NFIB: variants seen among roughly 807,000 people sequenced by gnomAD.
NFIB encodes nuclear factor I B.
NFIB carries 11 observed loss-of-function variants against 61.5 expected under a neutral mutation model. The observed-to-expected ratio is 0.18, with a 90% CI of 0.11 to 0.30. The LOEUF (loss-of-function observed/expected upper bound fraction) is 0.30, where lower values mean the gene tolerates loss of function less well. Ranked by LOEUF, NFIB falls within the 10% of genes least tolerant of loss-of-function variation. The probability of loss-of-function intolerance (pLI) is 1.00; values close to 1 mark genes in which losing one functional copy is unlikely to be tolerated. For missense variants in NFIB, 471 were observed against 608.9 expected, an observed-to-expected ratio of 0.77 and a Z score of 2.38; for synonymous variants, 260 against 216.5, an observed-to-expected ratio of 1.20 and a Z score of -1.76.
chr9:14,409,610 G>C, the NFIB span, among the ~76,000 whole-genome samples: 3 of 152,202 alleles, frequency 2.0e-5, no homozygotes, highest in East Asian at 3.9e-4. Context: ...CCGAAGGCCA[G>C]CCACTAGAAT....
intron 1 of NFIB, among the ~76,000 whole-genome samples, chr9:14,350,350 C>T (rs1262146000): frequency 6.6e-6 from 1 of 152,226 alleles, no homozygotes; most frequent in Non-Finnish European, 1.5e-5. Context: ...AAAAAACAGA[C>T]TTTCACAGAA....
chr9:14,364,591 T>C (rs10756546), intron 1 of NFIB, among the ~76,000 whole-genome samples: 83,008 of 152,016 alleles, frequency 0.55, 22,823 homozygotes, highest in Middle Eastern at 0.66. Context: ...AGAATGTTTA[T>C]ATCTGCACAA....
At chr9:14,092,333 C>G (rs2034055390) in intron 10 of NFIB, among the ~76,000 whole-genome samples, 1 of 152,042 alleles carries the variant, frequency 6.6e-6, no homozygotes, top group African/African-American at 2.4e-5. Flanking sequence ...TAACTATAAG[C>G]ATGGTACCAT....
chr9:14,122,254 A>G (rs952425232), intron 7 of NFIB, among the ~76,000 whole-genome samples: 1 of 152,164 alleles, frequency 6.6e-6, no homozygotes. Flanking sequence ...AGATATAAGA[A>G]ATTAAGAATG....
At chr9:14,439,711 G>C in the NFIB span, among the ~76,000 whole-genome samples, 2 of 152,130 alleles carry the variant, frequency 1.3e-5, no homozygotes, top group Non-Finnish European at 2.9e-5. Context: ...GGGTGAGTTG[G>C]ACACCAGATG....
chr9:14,207,431 T>A (rs1281149009), intron 2 of NFIB, among the ~76,000 whole-genome samples: 1 of 152,232 alleles, frequency 6.6e-6, no homozygotes, highest in East Asian at 1.9e-4. Context: ...GAGTTTATGT[T>A]GTGGTTTGGT....
intron 2 of NFIB, among the ~76,000 whole-genome samples, chr9:14,259,805 T>A (rs2056578369): frequency 6.6e-6 from 1 of 152,096 alleles, no homozygotes; most frequent in Non-Finnish European, 1.5e-5. Flanking sequence ...CTCAGGAGGC[T>A]GAGGCACGAG....
the NFIB span, among the ~76,000 whole-genome samples, chr9:14,437,771 C>T: frequency 6.6e-6 from 1 of 152,234 alleles, no homozygotes; most frequent in African/African-American, 2.4e-5. Flanking sequence ...TCTGTGTTCT[C>T]CTGCTCGTCC....
the NFIB span, among the ~76,000 whole-genome samples, chr9:14,515,366 C>CTCACCTTCTGCAGACCTGAGCTCTCT: frequency 6.6e-6 from 1 of 151,996 alleles, no homozygotes; most frequent in Non-Finnish European, 1.5e-5. Flanking sequence ...CTGAGCTCTC[C>CTCACCTTCTGCAGACCTGAGCTCTCT]GAGTTCTCAC....
chr9:14,341,833 G>A (rs1564018729), intron 1 of NFIB, among the ~76,000 whole-genome samples: 1 of 152,142 alleles, frequency 6.6e-6, no homozygotes, highest in South Asian at 2.1e-4. Context: ...CAACAGTCGG[G>A]CTAGGACAGG....
At chr9:14,374,774 G>A (rs1440764374) in intron 1 of NFIB, among the ~76,000 whole-genome samples, 3 of 152,076 alleles carry the variant, frequency 2.0e-5, no homozygotes, top group Non-Finnish European at 4.4e-5. Context: ...CACAGCAATG[G>A]TGGCATGTGC....
intron 2 of NFIB, among the ~76,000 whole-genome samples, chr9:14,216,531 TCTCTCTCTCTCC>T (rs1200578947): frequency 4.9e-3 from 143 of 29,264 alleles, no homozygotes; most frequent in African/African-American, 0.018. Flanking sequence ...TCTCTCTCTC[TCTCTCTCTCTCC>T]CTCTGTGTGT....
At chr9:14,206,017 A>G (rs1360184760) in intron 2 of NFIB, among the ~76,000 whole-genome samples, 1 of 152,170 alleles carries the variant, frequency 6.6e-6, no homozygotes, top group Non-Finnish European at 1.5e-5. Flanking sequence ...GTTTCTGCGT[A>G]AAAGACATTT....
chr9:14,475,850 A>G, the NFIB span, among the ~76,000 whole-genome samples: 2 of 152,196 alleles, frequency 1.3e-5, no homozygotes, highest in Admixed American at 6.5e-5. Flanking sequence ...TGCCTAAATA[A>G]CATAATTAGC....
At position 14,218,319 on chromosome 9, in the gene NFIB, T is replaced by C. The variant is rs143921174; in HGVS notation, c.563-38539A>G. Among the ~76,000 whole-genome samples, 502 of 152,304 alleles carry C rather than the reference T, an allele frequency of 3.3e-3. 4 individuals carry two copies. The highest frequency in any genetic ancestry group is 0.011 in the African/African-American group (474 of 41,572). ...ATATACTCAAGAGTCTGACTCCAAATAACAACCTCAAAACCTTGTTTCTGT... is the reference window on the plus strand; with the variant it reads ...ATATACTCAAGAGTCTGACTCCAAACAACAACCTCAAAACCTTGTTTCTGT... On this transcript the variant is annotated intron_variant, in intron 2 of 10. Transcript: ENST00000380953.
chr9:14,490,540 T>C, the NFIB span, among the ~76,000 whole-genome samples: 14 of 152,140 alleles, frequency 9.2e-5, no homozygotes, highest in Admixed American at 2.0e-4. Flanking sequence ...ATGGAAGACA[T>C]TGTAACACTT....
At position 14,279,420 on chromosome 9, in the gene NFIB, C is replaced by A. The variant is rs1028809424; in HGVS notation, c.562+27569G>T. ...ACAAACATTTTACCTAAGACTTGAC[C>A]ACCTGAGATTGAGACCTTATTAAAT... is the stretch of plus-strand genomic sequence containing the variant. On this transcript the variant is annotated intron_variant, in intron 2 of 10. Transcript: ENST00000380953. Among the ~76,000 whole-genome samples, 5 of 152,070 alleles carry A rather than the reference C, an allele frequency of 3.3e-5. No homozygotes were observed. The East Asian group carries it at 7.7e-4, about 23-fold the overall frequency.
At chr9:14,370,180 A>G (rs970464841) in intron 1 of NFIB, among the ~76,000 whole-genome samples, 10 of 152,218 alleles carry the variant, frequency 6.6e-5, no homozygotes, top group Non-Finnish European at 1.2e-4. Context: ...GCCTAGCTCA[A>G]TATCACATCC....
At chr9:14,154,516 C>G (rs1406157738) in intron 4 of NFIB, among the ~76,000 whole-genome samples, 1 of 152,098 alleles carries the variant, frequency 6.6e-6, no homozygotes, top group Non-Finnish European at 1.5e-5. Flanking sequence ...CTTTGGATAT[C>G]ACATATTGAT....
Sources: allele counts gnomAD v4.1 joint callset (sites outside exome capture counted in the v4.1 genomes callset), GRCh38; gene constraint gnomAD v4.1.1; transcripts MANE v1.5; gene names NCBI Gene and HGNC (gene_info 2026-07-23, HGNC 2026-07-21).